The following EIF2AK2 variants were observed in gnomAD, a reference collection of about 807,000 sequenced individuals.
The protein encoded by EIF2AK2 is eukaryotic translation initiation factor 2 alpha kinase 2, also known as interferon-induced, double-stranded RNA-activated protein kinase.
In EIF2AK2, 40 loss-of-function variants were observed where a neutral mutation model predicts 70.5. The ratio of observed to expected loss-of-function variants is 0.57; its 90% CI spans 0.44 to 0.74. The LOEUF (loss-of-function observed/expected upper bound fraction) is 0.74, where lower values mean the gene tolerates loss of function less well. Ranked by LOEUF, EIF2AK2 falls within the 30% of genes least tolerant of loss-of-function variation. The pLI is 0.00. For missense variants in EIF2AK2, 555 were observed against 644.3 expected, an observed-to-expected ratio of 0.86 and a Z score of 1.50; for synonymous variants, 198 against 220.9, an observed-to-expected ratio of 0.90 and a Z score of 0.92.
chr2:37,126,933 G>A (rs1231543128), intron 10 of EIF2AK2, among the ~76,000 whole-genome samples: 1 of 122,796 alleles, frequency 8.1e-6, no homozygotes, highest in East Asian at 2.8e-4. Flanking sequence ...CTCCAGCCTG[G>A]GCGACAAGAA....
At chr2:37,156,396 T>TAGG (rs1553340951) in intron 1 of EIF2AK2, among the ~76,000 whole-genome samples, 1 of 151,514 alleles carries the variant, frequency 6.6e-6, no homozygotes, top group Non-Finnish European at 1.5e-5. Context: ...GGAGAAGAGG[T>TAGG]AGGGGGTGGA....
intron 14 of EIF2AK2, among the ~76,000 whole-genome samples, chr2:37,111,172 G>A (rs531644154): frequency 1.2e-4 from 18 of 152,242 alleles, no homozygotes; most frequent in Admixed American, 8.5e-4. Context: ...GTTCTTTAAC[G>A]GGTGTAAAGT....
In EIF2AK2 at chr2:37,137,147, C is replaced by T. The variant is rs999010885; in HGVS notation, c.688-130G>A. On this transcript the variant is annotated intron_variant, in intron 8 of 16. Coordinates refer to ENST00000233057, the MANE Select transcript of EIF2AK2 (RefSeq NM_001135651.3). Reference sequence around the variant, plus strand: ...CTTAGTCCATCAATGTCTGTACTCTCATCAAGCCCTGTATCAACACTTAGT... The same window carrying T: ...CTTAGTCCATCAATGTCTGTACTCTTATCAAGCCCTGTATCAACACTTAGT... The T allele has an allele frequency of 3.1e-5, 20 of 650,514 alleles. No homozygotes were observed. In the African/African-American group the frequency reaches 3.7e-4, roughly 12 times the overall value. 40.3% of individuals were successfully genotyped at this position (650,514 alleles called of 1,614,324 possible). A position where few individuals can be genotyped will look rare whatever the true frequency, so the allele number is the denominator to read the frequency against.
At chr2:37,150,327 AG>A (rs1675698558) in intron 1 of EIF2AK2, among the ~76,000 whole-genome samples, 1 of 152,230 alleles carries the variant, frequency 6.6e-6, no homozygotes, top group Admixed American at 6.5e-5. Context: ...CAGAAAAAAA[AG>A]GCAATCCCTA....
chr2:37,152,333 G>A (rs1005438815), intron 1 of EIF2AK2, among the ~76,000 whole-genome samples: 1 of 152,046 alleles, frequency 6.6e-6, no homozygotes, highest in Admixed American at 6.5e-5. Flanking sequence ...CCAGGCTGGA[G>A]TGCAGTAACA....
chr2:37,129,806 C>A (rs559709642), intron 10 of EIF2AK2, among the ~76,000 whole-genome samples: 1 of 152,144 alleles, frequency 6.6e-6, no homozygotes, highest in Non-Finnish European at 1.5e-5. Context: ...CCTACACAAA[C>A]GGGGACGAAT....
intron 12 of EIF2AK2, among the ~76,000 whole-genome samples, chr2:37,121,310 C>G (rs188271224): frequency 1.3e-5 from 2 of 149,404 alleles, no homozygotes; most frequent in African/African-American, 4.9e-5. Context: ...AAATGAGCCA[C>G]CCATTCTTCA....
Position 37,138,276 on chromosome 2 carries a change from CA to C in EIF2AK2, c.680del (p.Leu227CysfsTer3). On this transcript the variant is annotated frameshift_variant, in exon 8 of 17. Coordinates refer to ENST00000233057, the MANE Select transcript of EIF2AK2 (RefSeq NM_001135651.3). LOFTEE classifies it high-confidence loss of function. ...SNSDSLNSSS[L>X]LMNGLRNNQR... ...TTCGAGACTAATACGATACCATAAG[CA>C]ACGAAGAACTGTTTAAACTGTCACT... The C allele has an allele frequency of 6.2e-7, 1 of 1,611,112 alleles. No homozygotes were observed. The highest frequency in any genetic ancestry group is 8.5e-7 in the Non-Finnish European group (1 of 1,178,356).
At position 37,148,885 on chromosome 2, in the gene EIF2AK2, G is replaced by A. The variant is rs1168221032; in HGVS notation, c.-45C>T. The A allele has an allele frequency of 1.9e-5, 16 of 833,956 alleles. No homozygotes were observed. The highest frequency in any genetic ancestry group is 2.8e-5 in the Non-Finnish European group (13 of 469,644). The allele number at this position is 833,956 out of a possible 1,614,324, so 51.7% of individuals were successfully genotyped here. On this transcript the variant is annotated 5_prime_UTR_variant, in exon 2 of 17. Coordinates refer to ENST00000233057, the MANE Select transcript of EIF2AK2 (RefSeq NM_001135651.3). ...GTTGGAAGCTTTGTCCAAAATGCAC[G>A]CAGATAATCACGGAAGTGTGGATGT... is the stretch of plus-strand genomic sequence containing the variant.
intron 13 of EIF2AK2, among the ~76,000 whole-genome samples, chr2:37,119,314 T>TG (rs1674452135): frequency 6.6e-6 from 1 of 152,300 alleles, no homozygotes; most frequent in South Asian, 2.1e-4. Context: ...TATTAGACTC[T>TG]GGACCCAGTA....
At chr2:37,134,144 A>G (rs1325412475) in intron 10 of EIF2AK2, among the ~76,000 whole-genome samples, 3 of 152,124 alleles carry the variant, frequency 2.0e-5, no homozygotes, top group Non-Finnish European at 2.9e-5. Context: ...TAAACTCCAA[A>G]AAGGAGCTTC....
intron 13 of EIF2AK2, among the ~76,000 whole-genome samples, chr2:37,117,378 A>T (rs1328955774): frequency 6.6e-6 from 1 of 151,982 alleles, no homozygotes; most frequent in Non-Finnish European, 1.5e-5. Context: ...TCTCCACAAA[A>T]TGTCAAAAAT....
At chr2:37,108,965 G>A (rs1674055655) in intron 15 of EIF2AK2, among the ~76,000 whole-genome samples, 1 of 152,178 alleles carries the variant, frequency 6.6e-6, no homozygotes, top group African/African-American at 2.4e-5. Flanking sequence ...AGTCTTACAA[G>A]TCTTATGAGA....
chr2:37,099,239 G>C lies in EIF2AK2; in HGVS notation c.*8034C>G, dbSNP rs773431516. ...TTTTTCTAATAAACATTTATTTCAA[G>C]TGTTATTTGTTAAACATTTAATTGT... is the stretch of plus-strand genomic sequence containing the variant. On this transcript the variant is annotated 3_prime_UTR_variant, in exon 17 of 17. Coordinates refer to ENST00000233057, the MANE Select transcript of EIF2AK2 (RefSeq NM_001135651.3). The C allele has an allele frequency of 5.9e-5, 9 of 152,124 alleles. No individual in the cohort carries two copies. The highest frequency in any genetic ancestry group is 8.8e-5 in the Non-Finnish European group (6 of 68,022). 9.4% of individuals were successfully genotyped at this position (152,124 alleles called of 1,614,324 possible). A position where few individuals can be genotyped will look rare whatever the true frequency, so the allele number is the denominator to read the frequency against.
chr2:37,121,233 A>G (rs146828827), intron 12 of EIF2AK2, among the ~76,000 whole-genome samples: 5,457 of 126,822 alleles, frequency 0.043, 305 homozygotes, highest in Middle Eastern at 0.07. Context: ...ACTGCACTCC[A>G]GCCTGTGCGA....
At position 37,138,516 on chromosome 2, in the gene EIF2AK2, T is replaced by C. The variant is rs2148700981; in HGVS notation, c.586A>G (p.Ser196Gly). 6.2e-7 allele frequency: 1 copy of C among 1,614,122 alleles called. No homozygotes were observed. Among genetic ancestry groups the C allele is most frequent in the South Asian group, 1.1e-5 (1 of 91,072 alleles). ...CESQSNSLVTSTLASESSSEG... is the reference protein window; with the variant it reads ...CESQSNSLVTGTLASESSSEG... ...TTGTTTGTCTACACTTACAGTGTGCTGGTCACTAAAGAGTTGCTTTGGGAC... is the reference window on the plus strand; with the variant it reads ...TTGTTTGTCTACACTTACAGTGTGCCGGTCACTAAAGAGTTGCTTTGGGAC... The change falls in exon 7 of 17, where the codon AGC (serine) becomes GGC (glycine). Residue 196 changes from serine (S) to glycine (G), a missense_variant. Ser to Gly is a moderately conservative substitution (Grantham distance 56). Around this residue, in one of 3 missense-constraint regions of EIF2AK2, gnomAD observed 208 missense variants for 191.8 expected, o/e 1.08. Coordinates refer to ENST00000233057, the MANE Select transcript of EIF2AK2 (RefSeq NM_001135651.3).
At chr2:37,127,988 C>T (rs778817841) in intron 10 of EIF2AK2, among the ~76,000 whole-genome samples, 16 of 152,140 alleles carry the variant, frequency 1.1e-4, no homozygotes, top group South Asian at 1.0e-3. Flanking sequence ...GTGATCCATC[C>T]GCCTCAGCCT....
In EIF2AK2 at chr2:37,102,530, G is replaced by A. The variant is rs531549429; in HGVS notation, c.*4743C>T. 1.4e-4 allele frequency: 22 copies of A among 152,280 alleles called. No individual in the cohort carries two copies. In the South Asian group the frequency reaches 4.6e-3, roughly 32 times the overall value. The allele number at this position is 152,280 out of a possible 1,614,324, so 9.4% of individuals were successfully genotyped here. On this transcript the variant is annotated 3_prime_UTR_variant, in exon 17 of 17. Transcript: ENST00000233057. ...GTCTCTAGTTAGTTAACAGATAGTA[G>A]AGACCTGGAAAAGCTTGTATGTAGC...
intron 6 of EIF2AK2, 99 bp downstream of exon 6, chr2:37,139,532 T>C: frequency 6.7e-7 from 1 of 1,493,094 alleles, no homozygotes; most frequent in Non-Finnish European, 9.0e-7. Context: ...TTTTGCTAAA[T>C]CACTGGCTGT....
Sources: gnomAD v4.1 joint callset for allele counts (sites outside exome capture counted in the v4.1 genomes callset) on GRCh38, gnomAD v4.1.1 for gene constraint, gnomAD v4.1.1 regional missense constraint, MANE v1.5 for transcripts, NCBI Gene and HGNC (gene_info 2026-07-23, HGNC 2026-07-21) for gene names.